The following NR2C1 variants were observed in gnomAD, a reference collection of about 807,000 sequenced individuals.
NR2C1 encodes nuclear receptor subfamily 2 group C member 1.
In NR2C1, 33 loss-of-function variants were observed where a neutral mutation model predicts 74.8. The observed-to-expected ratio is 0.44, with a 90% CI of 0.33 to 0.59. The LOEUF (loss-of-function observed/expected upper bound fraction) is 0.59, where lower values mean the gene tolerates loss of function less well. NR2C1 is among the 20% of genes least tolerant of loss of function. The pLI is 0.02. For missense variants in NR2C1, 568 were observed against 715.6 expected, an observed-to-expected ratio of 0.79 and a Z score of 2.35; for synonymous variants, 225 against 240.6, an observed-to-expected ratio of 0.94 and a Z score of 0.60.
chr12:95,069,170 A>G (rs761775530), intron 1 of NR2C1, among the ~76,000 whole-genome samples: 2 of 152,248 alleles, frequency 1.3e-5, no homozygotes, highest in African/African-American at 2.4e-5. Context: ...ATAAACAAAT[A>G]AGAAATCTCT....
chr12:95,037,285 A>G (rs1870964717), intron 10 of NR2C1, among the ~76,000 whole-genome samples: 2 of 152,236 alleles, frequency 1.3e-5, no homozygotes, highest in Admixed American at 1.3e-4. Context: ...AGAACTTAAA[A>G]CCAACAACTG....
intron 11 of NR2C1, chr12:95,030,796 C>G: frequency 6.2e-7 from 1 of 1,613,160 alleles, no homozygotes; most frequent in Non-Finnish European, 8.5e-7. Flanking sequence ...TAGTCATAAG[C>G]CATTCTATAG....
chr12:95,036,528 TGA>T (rs1358247185), intron 10 of NR2C1, among the ~76,000 whole-genome samples: 3 of 151,048 alleles, frequency 2.0e-5, no homozygotes, highest in Non-Finnish European at 2.9e-5. Flanking sequence ...TTTTTTTTTT[TGA>T]AGGAGAGTCT....
At chr12:95,037,486 T>C (rs1870990618) in intron 10 of NR2C1, among the ~76,000 whole-genome samples, 2 of 152,248 alleles carry the variant, frequency 1.3e-5, no homozygotes, top group Admixed American at 1.3e-4. Flanking sequence ...TAAGTTACTG[T>C]TCCCTTCAAT....
At chr12:95,049,344 T>C (rs1872686893) in intron 8 of NR2C1, 111 bp from the exon 9 acceptor site, 10 of 1,090,850 alleles carry the variant, frequency 9.2e-6, no homozygotes, top group Non-Finnish European at 1.3e-5. Flanking sequence ...GCCAGGCTGG[T>C]CTAGAACTCA....
chr12:95,024,020 C>T (rs1397722221), intron 13 of NR2C1, among the ~76,000 whole-genome samples: 2 of 152,148 alleles, frequency 1.3e-5, no homozygotes, highest in Non-Finnish European at 2.9e-5. Flanking sequence ...GTGCTCTACT[C>T]CTCAAATTAC....
chr12:95,053,277 CTTCAT>C (rs1873297672), intron 7 of NR2C1, among the ~76,000 whole-genome samples: 1 of 151,818 alleles, frequency 6.6e-6, no homozygotes, highest in Non-Finnish European at 1.5e-5. Context: ...CCCGGCTTGT[CTTCAT>C]TTTTTTAATG....
At chr12:95,060,054 T>C (rs1874556916) in intron 3 of NR2C1, 70 bp from the exon 4 acceptor site, 1 of 1,198,752 alleles carries the variant, frequency 8.3e-7, no homozygotes, top group Admixed American at 2.8e-5. Flanking sequence ...ACTCATTCTA[T>C]TAAAAAAATT....
intron 3 of NR2C1, among the ~76,000 whole-genome samples, chr12:95,061,881 T>C (rs1874837966): frequency 6.6e-6 from 1 of 152,248 alleles, no homozygotes; most frequent in South Asian, 2.1e-4. Flanking sequence ...AATTTTCTAT[T>C]CTAGCGAAAA....
At position 95,020,683 on chromosome 12, in the gene NR2C1, T is replaced by G. The variant is rs1167228858; in HGVS notation, c.*1546A>C. On this transcript the variant is annotated 3_prime_UTR_variant, in exon 14 of 14. Coordinates refer to ENST00000333003, the MANE Select transcript of NR2C1 (RefSeq NM_003297.4). ...GCAAAAATCTTTACAAAAAATGTACTCTGAGTGCATTATCCGTGTTTGCTT... is the reference window on the plus strand; with the variant it reads ...GCAAAAATCTTTACAAAAAATGTACGCTGAGTGCATTATCCGTGTTTGCTT... 6.6e-6 allele frequency: 1 copy of G among 152,210 alleles called. No individual in the cohort carries two copies. Among genetic ancestry groups the G allele is most frequent in the Non-Finnish European group, 1.5e-5 (1 of 68,028 alleles). The allele number at this position is 152,210 out of a possible 1,614,324, so 9.4% of individuals were successfully genotyped here. A position where few individuals can be genotyped will look rare whatever the true frequency, so the allele number is the denominator to read the frequency against.
At chr12:95,071,936 C>T (rs1232587477) in intron 1 of NR2C1, among the ~76,000 whole-genome samples, 1 of 150,864 alleles carries the variant, frequency 6.6e-6, no homozygotes, top group Non-Finnish European at 1.5e-5. Flanking sequence ...TTAGTAGAAA[C>T]GGGGTTTCTC....
chr12:95,043,906 TATAAAG>T (rs1871946942), intron 9 of NR2C1, among the ~76,000 whole-genome samples: 2 of 152,112 alleles, frequency 1.3e-5, no homozygotes. Context: ...CATGTTAACT[TATAAAG>T]AGAGAAAATG....
chr12:95,053,681 G>GTTTTTTTTT lies in NR2C1; in HGVS notation c.784-1747_784-1739dup, dbSNP rs550069594. Among the ~76,000 whole-genome samples the GTTTTTTTTT allele has an allele frequency of 3.9e-4, 40 of 103,402 alleles. 2 individuals are homozygous for GTTTTTTTTT. The highest frequency in any genetic ancestry group is 1.4e-3 in the African/African-American group (36 of 24,992). 67.8% of individuals were successfully genotyped at this position (103,402 alleles called of 152,430 possible). ...TTCTTCATGGTTTTTTCTTTTTGGT[G>GTTTTTTTTT]TTTTTTTTTTTTTTTTTTTTTGAGA... On this transcript the variant is annotated intron_variant, in intron 7 of 13. Coordinates refer to ENST00000333003, the MANE Select transcript of NR2C1 (RefSeq NM_003297.4).
At chr12:95,067,987 T>C (rs1875983795) in intron 1 of NR2C1, among the ~76,000 whole-genome samples, 1 of 150,986 alleles carries the variant, frequency 6.6e-6, no homozygotes, top group African/African-American at 2.4e-5. Flanking sequence ...TTCATGCCAT[T>C]CTCCTGCCTC....
rs1014784957 is a variant in NR2C1, at chr12:95,031,372, C to A, written c.1370G>T (p.Cys457Phe). ...VATILATFVN[C>F]LHNSLQQDKM... ...ACCTTGTTGAAGACTATTGTGAAGA[C>A]AATTGACAAATGTTGCTAATATAGT... The change falls in exon 11 of 14, where the codon TGT becomes TTT. Residue 457 changes from cysteine to phenylalanine, a missense_variant. Physicochemically the swap from Cys to Phe is radical, Grantham distance 205. This residue lies in a region of NR2C1 where 117 missense variants were observed against 186.7 expected (regional missense o/e 0.63). Transcript: ENST00000333003. 1 of 1,602,534 alleles carries A rather than the reference C, an allele frequency of 6.2e-7. No individual in the cohort carries two copies. The highest frequency in any genetic ancestry group is 1.3e-5 in the African/African-American group (1 of 74,246).
Position 95,062,528 on chromosome 12 carries a change from G to C in NR2C1, c.265C>G (p.Leu89Val), listed in dbSNP as rs908283577. The change falls in exon 3 of 14, where the codon CTG (leucine) becomes GTG (valine). Residue 89 changes from leucine (L) to valine (V), a missense_variant. This residue lies in a region of NR2C1 where 128 missense variants were observed against 118.9 expected (regional missense o/e 1.08). Transcript: ENST00000333003. Reference sequence around the variant, plus strand: ...TTTACCTGCAGGTGTTGTGCAGACAGATCAGGAGTGGTAAAAAATAACTGG... The same window carrying C: ...TTTACCTGCAGGTGTTGTGCAGACACATCAGGAGTGGTAAAAAATAACTGG... ...VNQLFFTTPDLSAQHLQLLTD... is the reference protein window; with the variant it reads ...VNQLFFTTPDVSAQHLQLLTD... 20 of 1,609,180 alleles carry C rather than the reference G, an allele frequency of 1.2e-5. No individual in the cohort carries two copies. Among genetic ancestry groups the C allele is most frequent in the Non-Finnish European group, 1.7e-5 (20 of 1,177,032 alleles).
At chr12:95,031,020 C>A in intron 11 of NR2C1, 1 of 716,948 alleles carries the variant, frequency 1.4e-6, no homozygotes, top group Non-Finnish European at 2.3e-6. Context: ...TTAAAAATTG[C>A]TGAGTAGTAT....
At chr12:95,059,858 G>A (rs774777790) in intron 4 of NR2C1, 48 bp downstream of exon 4, 27 of 1,320,296 alleles carry the variant, frequency 2.0e-5, no homozygotes, top group South Asian at 5.2e-5. Flanking sequence ...GACACATATA[G>A]GAGGTTATTT....
At chr12:95,039,735 G>A (rs1871270406) in intron 10 of NR2C1, among the ~76,000 whole-genome samples, 1 of 152,210 alleles carries the variant, frequency 6.6e-6, no homozygotes, top group Admixed American at 6.5e-5. Context: ...GGGCTAAAGT[G>A]ATTGGCCCCC....
Sources: allele counts gnomAD v4.1 joint callset (sites outside exome capture counted in the v4.1 genomes callset), GRCh38; gene constraint gnomAD v4.1.1; regional missense constraint gnomAD v4.1.1; transcripts MANE v1.5; gene names NCBI Gene and HGNC (gene_info 2026-07-23, HGNC 2026-07-21).